Variants in EYA4 observed in about 807,000 individuals in gnomAD.
EYA4 encodes the protein EYA transcriptional coactivator and phosphatase 4.
EYA4 carries 31 observed loss-of-function variants against 87.9 expected under a neutral mutation model. That is an observed-to-expected ratio of 0.35 (90% CI 0.27 to 0.48). EYA4 has a LOEUF of 0.48. EYA4 is among the 20% of genes least tolerant of loss of function. The pLI is 0.99. For synonymous variants in EYA4, 263 were observed against 270.6 expected, an observed-to-expected ratio of 0.97 and a Z score of 0.28; for missense variants, 678 against 761.4, an observed-to-expected ratio of 0.89 and a Z score of 1.29.
At position 133,315,867 on chromosome 6, in the gene EYA4, A is replaced by G. The variant is rs967654304; in HGVS notation, c.33+41054A>G. 1.3e-5 allele frequency among the ~76,000 whole-genome samples: 2 copies of G among 152,232 alleles called. 1 individual carries two copies. Among genetic ancestry groups the G allele is most frequent in the South Asian group, 4.1e-4 (2 of 4,838 alleles). ...TCTTCTAATAGAAATTCATTTTGGA[A>G]TAGAGTGGCAGCCACAGTGTGGGAA... On this transcript the variant is annotated intron_variant, in intron 2 of 19. Coordinates refer to ENST00000355286, the MANE Select transcript of EYA4 (RefSeq NM_004100.5).
chr6:133,323,448 T>C (rs148548307), intron 2 of EYA4, among the ~76,000 whole-genome samples: 5 of 152,172 alleles, frequency 3.3e-5, no homozygotes, highest in African/African-American at 1.2e-4. Flanking sequence ...TAAGATGTAG[T>C]ATTTTGACAT....
intron 10 of EYA4, among the ~76,000 whole-genome samples, chr6:133,465,234 TTAAAA>T (rs143115400): frequency 5.7e-4 from 87 of 152,300 alleles, no homozygotes; most frequent in African/African-American, 2.1e-3. Flanking sequence ...TATTAATTGA[TTAAAA>T]TAAGTCATAG....
At chr6:133,463,653 G>A (rs1170339744) in intron 9 of EYA4, among the ~76,000 whole-genome samples, 1 of 152,078 alleles carries the variant, frequency 6.6e-6, no homozygotes, top group Non-Finnish European at 1.5e-5. Flanking sequence ...GAGCCACCAT[G>A]CCTAGCTGTG....
At chr6:133,425,168 A>G (rs1790561543) in intron 3 of EYA4, among the ~76,000 whole-genome samples, 1 of 150,778 alleles carries the variant, frequency 6.6e-6, no homozygotes, top group Non-Finnish European at 1.5e-5. Flanking sequence ...TTCACAGAAG[A>G]ATATATATAT....
At chr6:133,290,093 G>T (rs1778366573) in intron 2 of EYA4, among the ~76,000 whole-genome samples, 1 of 152,116 alleles carries the variant, frequency 6.6e-6, no homozygotes, top group Non-Finnish European at 1.5e-5. Context: ...TGTGCCATGG[G>T]CTAAGTGCTA....
chr6:133,360,886 A>T (rs1784400730), intron 2 of EYA4, among the ~76,000 whole-genome samples: 1 of 152,220 alleles, frequency 6.6e-6, no homozygotes, highest in Non-Finnish European at 1.5e-5. Context: ...TGTTTATGGA[A>T]TAGAGAGAAC....
At chr6:133,468,493 T>A in intron 10 of EYA4, 73 bp from the exon 11 acceptor site, 1 of 1,222,568 alleles carries the variant, frequency 8.2e-7, no homozygotes, top group Non-Finnish European at 1.2e-6. Flanking sequence ...GTTACCATAA[T>A]GACTGGTTTT....
At chr6:133,292,215 C>G (rs928283308) in intron 2 of EYA4, among the ~76,000 whole-genome samples, 2 of 152,142 alleles carry the variant, frequency 1.3e-5, no homozygotes, top group Admixed American at 1.3e-4. Flanking sequence ...CACAAAATTA[C>G]TCTGCAAAAG....
chr6:133,454,860 A>G (rs1350430615), intron 5 of EYA4, among the ~76,000 whole-genome samples: 1 of 152,116 alleles, frequency 6.6e-6, no homozygotes, highest in Non-Finnish European at 1.5e-5. Context: ...GAGAAGAGAC[A>G]CTGTCATGAG....
intron 3 of EYA4, among the ~76,000 whole-genome samples, chr6:133,400,792 T>G (rs2042671863): frequency 6.6e-6 from 1 of 152,136 alleles, no homozygotes; most frequent in African/African-American, 2.4e-5. Context: ...TAACTGAAGT[T>G]GGGACCTGCT....
intron 17 of EYA4, among the ~76,000 whole-genome samples, chr6:133,522,119 A>T (rs1289567237): frequency 1.4e-5 from 2 of 142,976 alleles, no homozygotes; most frequent in East Asian, 2.0e-4. Flanking sequence ...GTATAATAAT[A>T]AAAAAAAAAA....
At chr6:133,341,051 A>G (rs551039561) in intron 2 of EYA4, among the ~76,000 whole-genome samples, 1 of 152,202 alleles carries the variant, frequency 6.6e-6, no homozygotes, top group Non-Finnish European at 1.5e-5. Flanking sequence ...TCTAGCTTCT[A>G]TGTTTATACT....
chr6:133,453,203 A>T (rs903421784), intron 5 of EYA4, among the ~76,000 whole-genome samples: 1 of 152,106 alleles, frequency 6.6e-6, no homozygotes, highest in Non-Finnish European at 1.5e-5. Flanking sequence ...TGTCTTACTA[A>T]TGAACATTTT....
chr6:133,260,790 A>G (rs937864430), intron 1 of EYA4, among the ~76,000 whole-genome samples: 1 of 152,180 alleles, frequency 6.6e-6, no homozygotes, highest in Non-Finnish European at 1.5e-5. Context: ...GCTCCATCAT[A>G]GGACAGGCTT....
At chr6:133,488,483 A>T (rs773169276) in intron 13 of EYA4, among the ~76,000 whole-genome samples, 4 of 152,186 alleles carry the variant, frequency 2.6e-5, no homozygotes, top group Non-Finnish European at 5.9e-5. Flanking sequence ...GATCCAGCAC[A>T]GTCCCAGGGT....
chr6:133,366,277 G>A (rs75755749), intron 2 of EYA4, among the ~76,000 whole-genome samples: 1 of 152,334 alleles, frequency 6.6e-6, no homozygotes, highest in East Asian at 1.9e-4. Context: ...AGCATTGGTA[G>A]AGAAATAATA....
intron 2 of EYA4, among the ~76,000 whole-genome samples, chr6:133,308,576 G>T (rs1379701368): frequency 2.6e-5 from 4 of 152,030 alleles, no homozygotes; most frequent in Non-Finnish European, 4.4e-5. Flanking sequence ...AGTGTCTGTT[G>T]TTACCATCTT....
intron 2 of EYA4, among the ~76,000 whole-genome samples, chr6:133,342,960 A>G (rs1405221392): frequency 6.6e-6 from 1 of 152,036 alleles, no homozygotes; most frequent in Non-Finnish European, 1.5e-5. Context: ...TGTACAATTA[A>G]TTTTTGCTTA....
At chr6:133,376,365 T>C (rs1785681667) in intron 2 of EYA4, among the ~76,000 whole-genome samples, 1 of 151,880 alleles carries the variant, frequency 6.6e-6, no homozygotes, top group African/African-American at 2.4e-5. Flanking sequence ...TTATAGTTGC[T>C]GAATCCACCT....
Sources: allele counts gnomAD v4.1 joint callset (sites outside exome capture counted in the v4.1 genomes callset), GRCh38; gene constraint gnomAD v4.1.1; transcripts MANE v1.5; gene names NCBI Gene and HGNC (gene_info 2026-07-23, HGNC 2026-07-21).